The following FZD6 variants were observed in gnomAD, a reference collection of about 807,000 sequenced individuals.
FZD6 encodes the protein frizzled-6.
Under a neutral mutation model 61.4 loss-of-function variants are expected in FZD6, and 49 were observed. The ratio of observed to expected loss-of-function variants is 0.80; its 90% CI spans 0.63 to 1.01. The LOEUF is 1.01. FZD6 is among the 50% of genes least tolerant of loss of function. FZD6 has a pLI of 0.00. For synonymous variants in FZD6, 265 were observed against 292.2 expected (o/e 0.91, Z 0.95); for missense variants, 724 against 848.2 (o/e 0.85, Z 1.82).
chr8:103,324,743 A>G lies in FZD6; in HGVS notation c.637A>G (p.Thr213Ala). Residue 213 changes from threonine to alanine, a missense_variant, in exon 4 of 7, where the codon ACT becomes GCT. Physicochemically the swap from Thr to Ala is moderately conservative, Grantham distance 58 (BLOSUM62 0). Transcript: ENST00000358755. ...GTVSIFCLCA[T>A]LFTFLTFLID... ...AGTTTCAATATTTTGTCTTTGTGCA[A>G]CTCTGTTCACATTCCTTACTTTTTT... 1.2e-6 allele frequency: 2 copies of G among 1,613,884 alleles called. No individual in the cohort carries two copies. Among genetic ancestry groups the G allele is most frequent in the Non-Finnish European group, 1.7e-6 (2 of 1,179,914 alleles).
At chr8:103,326,203 A>C (rs1230498289) in intron 4 of FZD6, among the ~76,000 whole-genome samples, 1 of 152,222 alleles carries the variant, frequency 6.6e-6, no homozygotes, top group Non-Finnish European at 1.5e-5. Flanking sequence ...GAGCACTGCC[A>C]TCACAGTGTA....
intron 6 of FZD6, among the ~76,000 whole-genome samples, chr8:103,331,033 C>T (rs1030936403): frequency 4.6e-5 from 7 of 152,030 alleles, no homozygotes; most frequent in Non-Finnish European, 7.4e-5. Context: ...AAAAATTAGC[C>T]GGGTGTGGTG....
At chr8:103,315,980 G>C (rs546322532) in intron 2 of FZD6, among the ~76,000 whole-genome samples, 1 of 152,018 alleles carries the variant, frequency 6.6e-6, no homozygotes, top group African/African-American at 2.4e-5. Flanking sequence ...TAGCACTTTA[G>C]GCCGTTTCTG....
intron 2 of FZD6, 96 bp downstream of exon 2, chr8:103,300,380 C>G: frequency 1.1e-6 from 1 of 926,758 alleles, no homozygotes; most frequent in African/African-American, 1.6e-5. Flanking sequence ...GAGCCGATTT[C>G]TTCAAGTTGT....
At chr8:103,320,781 G>A (rs1814764234) in intron 3 of FZD6, among the ~76,000 whole-genome samples, 1 of 152,106 alleles carries the variant, frequency 6.6e-6, no homozygotes, top group Admixed American at 6.5e-5. Flanking sequence ...TGGAGATGAG[G>A]AGGCTAAAGA....
chr8:103,300,397 G>C, intron 2 of FZD6, 113 bp downstream of exon 2: 1 of 848,964 alleles, frequency 1.2e-6, no homozygotes, highest in Non-Finnish European at 2.0e-6. Context: ...TTGTGTACAA[G>C]TTGTGTTTTG....
At chr8:103,318,484 C>T (rs147487845) in intron 2 of FZD6, 106 bp from the exon 3 acceptor site, 464 of 724,374 alleles carry the variant, frequency 6.4e-4, no homozygotes, top group Non-Finnish European at 1.1e-3. Context: ...TTTAAAGATT[C>T]TTTTGCAGTA....
intron 5 of FZD6, among the ~76,000 whole-genome samples, chr8:103,329,027 A>G (rs1586530482): frequency 6.9e-6 from 1 of 145,382 alleles, no homozygotes; most frequent in African/African-American, 2.5e-5. Context: ...ATATATATAT[A>G]TATATGCACA....
intron 2 of FZD6, among the ~76,000 whole-genome samples, chr8:103,310,802 G>A (rs1337570103): frequency 2.0e-5 from 3 of 152,188 alleles, no homozygotes; most frequent in Admixed American, 6.5e-5. Flanking sequence ...ACCAAGCTAA[G>A]TGGTTACAAG....
At chr8:103,326,114 G>A (rs887748347) in intron 4 of FZD6, among the ~76,000 whole-genome samples, 3 of 152,068 alleles carry the variant, frequency 2.0e-5, no homozygotes, top group Non-Finnish European at 4.4e-5. Context: ...TTGAAGTTTT[G>A]TAAATAGAAA....
chr8:103,303,110 A>G (rs569484842), intron 2 of FZD6, among the ~76,000 whole-genome samples: 1 of 152,234 alleles, frequency 6.6e-6, no homozygotes, highest in South Asian at 2.1e-4. Flanking sequence ...AAAGCTGGGG[A>G]AAAAAAGACC....
chr8:103,304,410 C>A (rs1005538704), intron 2 of FZD6, among the ~76,000 whole-genome samples: 1 of 152,216 alleles, frequency 6.6e-6, no homozygotes, highest in Non-Finnish European at 1.5e-5. Context: ...ACTCCTATCC[C>A]AACTTACTGA....
chr8:103,306,432 C>A (rs545638437), intron 2 of FZD6, among the ~76,000 whole-genome samples: 2 of 149,568 alleles, frequency 1.3e-5, no homozygotes, highest in Non-Finnish European at 3.0e-5. Flanking sequence ...TGAAGTCTAA[C>A]TGAAAACATT....
chr8:103,323,931 C>G (rs1413696373), intron 3 of FZD6, among the ~76,000 whole-genome samples: 2 of 152,158 alleles, frequency 1.3e-5, no homozygotes, highest in African/African-American at 2.4e-5. Context: ...TGCTGGTATA[C>G]TTGCCTGTCT....
chr8:103,330,053 G>T lies in FZD6; in HGVS notation c.1940G>T (p.Arg647Leu). Residue 647 changes from arginine (R) to leucine (L), a missense_variant, in exon 6 of 7, where the codon CGG becomes CTG. Physicochemically the swap from Arg to Leu is moderately radical, Grantham distance 102. Coordinates refer to ENST00000358755, the MANE Select transcript of FZD6 (RefSeq NM_003506.4). ...GQAGSVSESA[R>L]SEGRISPKSD... ...GCAGGCAGTGTATCTGAAAGTGCGC[G>T]GAGTGAAGGAAGGTGAGATTTGATT... 5 of 1,613,542 alleles carry T rather than the reference G, an allele frequency of 3.1e-6. No homozygotes were observed. Among genetic ancestry groups the T allele is most frequent in the Non-Finnish European group, 4.2e-6 (5 of 1,179,480 alleles).
At chr8:103,330,962 G>A (rs1815103096) in intron 6 of FZD6, among the ~76,000 whole-genome samples, 1 of 152,182 alleles carries the variant, frequency 6.6e-6, no homozygotes, top group South Asian at 2.1e-4. Flanking sequence ...CAGATCACAA[G>A]GTCAGGAGAT....
intron 2 of FZD6, among the ~76,000 whole-genome samples, chr8:103,311,406 C>T (rs1240379842): frequency 6.6e-6 from 1 of 152,064 alleles, no homozygotes. Context: ...TTTTGGATTC[C>T]CCCAAATAGT....
intron 2 of FZD6, among the ~76,000 whole-genome samples, chr8:103,318,192 C>T (rs1302746929): frequency 6.6e-6 from 1 of 152,156 alleles, no homozygotes; most frequent in Non-Finnish European, 1.5e-5. Flanking sequence ...AGAAAAGGAA[C>T]AGCCAGTGAG....
chr8:103,320,673 T>G (rs115841665), intron 3 of FZD6, among the ~76,000 whole-genome samples: 280 of 152,072 alleles, frequency 1.8e-3, no homozygotes, highest in African/African-American at 6.5e-3. Flanking sequence ...GCAGGATGCT[T>G]GAGTTGATTT....
Sources: allele counts gnomAD v4.1 joint callset (sites outside exome capture counted in the v4.1 genomes callset), GRCh38; gene constraint gnomAD v4.1.1; transcripts MANE v1.5; gene names NCBI Gene and HGNC (gene_info 2026-07-23, HGNC 2026-07-21).